The following GAS2 variants were observed in gnomAD, a reference collection of about 807,000 sequenced individuals.
The protein encoded by GAS2 is growth arrest-specific protein 2.
A neutral mutation model predicts 37.5 loss-of-function variants in GAS2; 20 were observed. The ratio of observed to expected loss-of-function variants is 0.53; its 90% CI spans 0.37 to 0.77. The LOEUF is 0.77. GAS2 is among the 30% of genes least tolerant of loss of function. The pLI is 0.00. For missense variants in GAS2, 336 were observed against 373.4 expected, an observed-to-expected ratio of 0.90 and a Z score of 0.82; for synonymous variants, 144 against 132.2, an observed-to-expected ratio of 1.09 and a Z score of -0.61.
At chr11:22,675,084 C>A in intron 2 of GAS2, 70 bp downstream of exon 2, 2 of 1,468,010 alleles carry the variant, frequency 1.4e-6, no homozygotes, top group Non-Finnish European at 1.9e-6. Flanking sequence ...CCTGTAGTGT[C>A]CTTCACCTAA....
At chr11:22,797,611 C>T (rs1235376918) in intron 7 of GAS2, among the ~76,000 whole-genome samples, 1 of 152,074 alleles carries the variant, frequency 6.6e-6, no homozygotes, top group Non-Finnish European at 1.5e-5. Flanking sequence ...GAGCTACCCA[C>T]TTAACCACTA....
chr11:22,639,670 A>G (rs1858885445), intron 1 of GAS2, among the ~76,000 whole-genome samples: 1 of 152,180 alleles, frequency 6.6e-6, no homozygotes, highest in African/African-American at 2.4e-5. Flanking sequence ...TCCCTGATCA[A>G]ACTATAAACG....
intron 7 of GAS2, among the ~76,000 whole-genome samples, chr11:22,776,359 A>G (rs1855255377): frequency 6.6e-6 from 1 of 152,056 alleles, no homozygotes. Context: ...AAAAATAGGT[A>G]TGGGCCAGAT....
intron 7 of GAS2, among the ~76,000 whole-genome samples, chr11:22,761,363 A>C (rs2134369281): frequency 6.6e-6 from 1 of 152,314 alleles, no homozygotes; most frequent in Middle Eastern, 3.4e-3. Flanking sequence ...CTATGTGATA[A>C]GGTCTTTACA....
intron 5 of GAS2, 44 bp downstream of exon 5, chr11:22,737,812 A>G (rs749016095): frequency 2.6e-6 from 4 of 1,546,408 alleles, no homozygotes; most frequent in Non-Finnish European, 2.7e-6. Flanking sequence ...TGACGATTTC[A>G]GCATCCAAGC....
intron 1 of GAS2, among the ~76,000 whole-genome samples, chr11:22,667,898 T>G (rs1260654881): frequency 1.3e-5 from 2 of 152,230 alleles, no homozygotes; most frequent in African/African-American, 4.8e-5. Flanking sequence ...GTGAAGAGTT[T>G]GCAAAACTTT....
chr11:22,773,046 T>G (rs1004340158), intron 7 of GAS2, among the ~76,000 whole-genome samples: 1 of 151,958 alleles, frequency 6.6e-6, no homozygotes, highest in African/African-American at 2.4e-5. Flanking sequence ...TCCAGTAGAG[T>G]GCTAAGAGGT....
intron 1 of GAS2, among the ~76,000 whole-genome samples, chr11:22,649,349 G>A (rs1848742849): frequency 2.6e-5 from 4 of 151,928 alleles, no homozygotes; most frequent in South Asian, 2.1e-4. Context: ...TTGCATCAAT[G>A]TTCATCAAGG....
chr11:22,808,014 T>C (rs570679117), intron 7 of GAS2, among the ~76,000 whole-genome samples: 1 of 152,302 alleles, frequency 6.6e-6, no homozygotes, highest in African/African-American at 2.4e-5. Context: ...GGAGGGTCAA[T>C]GTCTATGTTT....
At chr11:22,789,594 T>C (rs1856037977) in intron 7 of GAS2, among the ~76,000 whole-genome samples, 1 of 147,608 alleles carries the variant, frequency 6.8e-6, no homozygotes, top group Non-Finnish European at 1.5e-5. Context: ...CCCGAGTAGC[T>C]GGGACTACAG....
chr11:22,743,272 G>A (rs1853193161), intron 5 of GAS2, among the ~76,000 whole-genome samples: 1 of 151,962 alleles, frequency 6.6e-6, no homozygotes, highest in Admixed American at 6.6e-5. Context: ...CCTTAATTTT[G>A]AAGTTAACAT....
chr11:22,626,202 A>G, intron 1 of GAS2: 1 of 303,218 alleles, frequency 3.3e-6, no homozygotes, highest in South Asian at 3.1e-5. Flanking sequence ...AAGTAACGCC[A>G]GAGACATACT....
At chr11:22,709,927 C>G (rs1341059718) in intron 3 of GAS2, among the ~76,000 whole-genome samples, 1 of 151,340 alleles carries the variant, frequency 6.6e-6, no homozygotes, top group Non-Finnish European at 1.5e-5. Context: ...AAACCAAACA[C>G]CGCATGTTCT....
rs781701452 is a variant in GAS2, at chr11:22,755,903, C to A, written c.673C>A (p.Arg225=). The stretch of plus-strand genomic sequence containing the variant: ...ATGCCCAAACAAGTTCTGTGTGGAG[C>A]GGCTCTCCCAAGGAAGATACCGAGT... ...CKCPNKFCVE[R]LSQGRYRVGE... Residue 225 remains arginine (R), a synonymous_variant, in exon 7 of 8, where the codon CGG becomes AGG. Transcript: ENST00000454584. The A allele has an allele frequency of 3.7e-6, 6 of 1,612,856 alleles. No individual in the cohort carries two copies. Among genetic ancestry groups the A allele is most frequent in the Non-Finnish European group, 4.2e-6 (5 of 1,179,168 alleles).
At chr11:22,810,295 G>C (rs1366641054) in intron 7 of GAS2, among the ~76,000 whole-genome samples, 1 of 152,136 alleles carries the variant, frequency 6.6e-6, no homozygotes, top group Non-Finnish European at 1.5e-5. Context: ...ACAGATGAGG[G>C]GTCTCATGTC....
At chr11:22,789,557 G>C (rs1253958650) in intron 7 of GAS2, among the ~76,000 whole-genome samples, 1 of 142,142 alleles carries the variant, frequency 7.0e-6, no homozygotes, top group Non-Finnish European at 1.5e-5. Flanking sequence ...CACCTACCGG[G>C]TTCACGCCAT....
chr11:22,675,019 G>T lies in GAS2; in HGVS notation c.145+5G>T, dbSNP rs762936591. On this transcript the variant is annotated splice_donor_5th_base_variant and intron_variant, in intron 2 of 7. Transcript: ENST00000454584. The stretch of plus-strand genomic sequence containing the variant: ...TGTGGTTAACCAATCTATTAGGTAA[G>T]GTTATAAGATCTCATTTTGTGAGCA... 8 of 1,612,314 alleles carry T rather than the reference G, an allele frequency of 5.0e-6. No homozygotes were observed. Among genetic ancestry groups the T allele is most frequent in the African/African-American group, 1.3e-5 (1 of 74,956 alleles).
At chr11:22,706,703 A>G (rs979956712) in intron 3 of GAS2, among the ~76,000 whole-genome samples, 3 of 152,126 alleles carry the variant, frequency 2.0e-5, no homozygotes, top group African/African-American at 7.2e-5. Context: ...CATGGTGCAT[A>G]TGTGCCACAT....
At chr11:22,647,716 G>A (rs1184442160) in intron 1 of GAS2, among the ~76,000 whole-genome samples, 2 of 152,110 alleles carry the variant, frequency 1.3e-5, no homozygotes, top group African/African-American at 2.4e-5. Flanking sequence ...CTGCATAAAT[G>A]TCTTCTTTTG....
Sources: gnomAD v4.1 joint callset for allele counts (sites outside exome capture counted in the v4.1 genomes callset) on GRCh38, gnomAD v4.1.1 for gene constraint, MANE v1.5 for transcripts, NCBI Gene and HGNC (gene_info 2026-07-23, HGNC 2026-07-21) for gene names.